Variants in TBC1D1 observed in about 807,000 individuals in gnomAD.
TBC1D1 encodes TBC1 (tre-2/USP6, BUB2, cdc16) domain family, member 1.
TBC1D1 carries 89 observed loss-of-function variants against 125.6 expected under a neutral mutation model. The observed-to-expected ratio is 0.71, with a 90% CI of 0.60 to 0.85. The LOEUF (loss-of-function observed/expected upper bound fraction) is 0.85. TBC1D1 is among the 40% of genes least tolerant of loss of function. The pLI, the probability that TBC1D1 is intolerant of heterozygous loss-of-function variation, is 0.00. For missense variants in TBC1D1, 1,377 were observed against 1,469.2 expected (o/e 0.94, Z 1.03); for synonymous variants, 565 against 564.1 (o/e 1.00, Z -0.02).
At chr4:37,910,146 T>G (rs1718281660) in intron 2 of TBC1D1, among the ~76,000 whole-genome samples, 1 of 152,266 alleles carries the variant, frequency 6.6e-6, no homozygotes, top group Non-Finnish European at 1.5e-5. Context: ...TTATATAGCT[T>G]TGCATTTTTT....
At chr4:38,106,063 C>G (rs533796102) in intron 15 of TBC1D1, among the ~76,000 whole-genome samples, 1 of 152,286 alleles carries the variant, frequency 6.6e-6, no homozygotes, top group East Asian at 1.9e-4. Flanking sequence ...TCTTTATTGC[C>G]TTTTTCCCTT....
At chr4:37,898,927 C>A (rs1715229583) in intron 1 of TBC1D1, among the ~76,000 whole-genome samples, 1 of 151,996 alleles carries the variant, frequency 6.6e-6, no homozygotes, top group Admixed American at 6.6e-5. Context: ...AAAGGTGCAC[C>A]AAGGAGGGCA....
At chr4:37,944,478 T>A (rs1413669368) in intron 2 of TBC1D1, among the ~76,000 whole-genome samples, 1 of 152,224 alleles carries the variant, frequency 6.6e-6, no homozygotes, top group African/African-American at 2.4e-5. Context: ...TGTGGTGGGC[T>A]CCACCCAGTT....
chr4:38,101,206 G>GGAC (rs1760264192), intron 14 of TBC1D1, among the ~76,000 whole-genome samples: 1 of 152,230 alleles, frequency 6.6e-6, no homozygotes, highest in Non-Finnish European at 1.5e-5. Flanking sequence ...ACAGAAACCA[G>GGAC]AGAAACCATC....
At chr4:38,012,741 G>A (rs1741776664) in intron 2 of TBC1D1, among the ~76,000 whole-genome samples, 1 of 152,114 alleles carries the variant, frequency 6.6e-6, no homozygotes, top group Non-Finnish European at 1.5e-5. Context: ...TATAAAAGTG[G>A]GCTATAACCA....
chr4:38,112,461 T>C (rs755078123), intron 15 of TBC1D1, among the ~76,000 whole-genome samples: 1 of 152,218 alleles, frequency 6.6e-6, no homozygotes, highest in Non-Finnish European at 1.5e-5. Flanking sequence ...ATCCGAAGAT[T>C]ATTGCCCATT....
At chr4:37,912,819 T>C (rs1282433157) in intron 2 of TBC1D1, among the ~76,000 whole-genome samples, 7 of 152,206 alleles carry the variant, frequency 4.6e-5, no homozygotes, top group Non-Finnish European at 7.3e-5. Flanking sequence ...ATATTGGGCT[T>C]CCCAGCCTCC....
intron 12 of TBC1D1, among the ~76,000 whole-genome samples, chr4:38,075,119 T>C (rs1025283712): frequency 6.6e-4 from 101 of 152,200 alleles, no homozygotes; most frequent in African/African-American, 2.2e-3. Context: ...TTAGTCCAAG[T>C]AAATTGTGGT....
At chr4:37,915,270 A>G (rs186362697) in intron 2 of TBC1D1, among the ~76,000 whole-genome samples, 9 of 152,310 alleles carry the variant, frequency 5.9e-5, no homozygotes, top group Admixed American at 2.0e-4. Flanking sequence ...AGGGAAACAG[A>G]ACCAATAGGA....
chr4:38,035,672 C>A lies in TBC1D1; in HGVS notation c.1387C>A (p.His463Asn). 6.2e-7 allele frequency: 1 copy of A among 1,613,240 alleles called. No homozygotes were observed. The highest frequency in any genetic ancestry group is 1.1e-5 in the South Asian group (1 of 91,016). Residue 463 changes from histidine (H) to asparagine (N), a missense_variant, in exon 8 of 20, where the codon CAC becomes AAC. Physicochemically the swap from His to Asn is moderately conservative, Grantham distance 68. Around this residue, in one of 3 missense-constraint regions of TBC1D1, gnomAD observed 822 missense variants for 824.6 expected, o/e 1.00. Coordinates refer to ENST00000261439, the MANE Select transcript of TBC1D1 (RefSeq NM_015173.4). ...TTTATATGAAGAGAAACAGAAAGAA[C>A]ACATCCATATTGGGGAGATGAAGCA... is the stretch of plus-strand genomic sequence containing the variant.
At chr4:38,098,586 T>C (rs1163235487) in intron 14 of TBC1D1, among the ~76,000 whole-genome samples, 1 of 152,214 alleles carries the variant, frequency 6.6e-6, no homozygotes, top group African/African-American at 2.4e-5. Context: ...TGCCTGACTT[T>C]GCCACATCAC....
At chr4:38,001,750 T>C (rs1377328075) in intron 2 of TBC1D1, among the ~76,000 whole-genome samples, 1 of 152,224 alleles carries the variant, frequency 6.6e-6, no homozygotes, top group African/African-American at 2.4e-5. Flanking sequence ...TCTTATTATA[T>C]CGCGATATCA....
intron 2 of TBC1D1, among the ~76,000 whole-genome samples, chr4:37,973,919 G>C (rs1732537243): frequency 6.6e-6 from 1 of 152,208 alleles, no homozygotes. Context: ...GTCTAGATTA[G>C]GGCAGGGCCT....
intron 2 of TBC1D1, among the ~76,000 whole-genome samples, chr4:37,934,466 C>T (rs1033435968): frequency 2.0e-5 from 3 of 152,032 alleles, no homozygotes; most frequent in African/African-American, 4.8e-5. Context: ...ACAGGCTGGG[C>T]GAGGGCAAGG....
chr4:38,010,768 C>T (rs112152936), intron 2 of TBC1D1, among the ~76,000 whole-genome samples: 3 of 152,220 alleles, frequency 2.0e-5, no homozygotes, highest in East Asian at 1.9e-4. Context: ...TCCTCTCAGC[C>T]TTCAGTGCTT....
intron 6 of TBC1D1, among the ~76,000 whole-genome samples, chr4:38,026,075 T>C (rs1745020793): frequency 1.0e-5 from 1 of 98,396 alleles, no homozygotes; most frequent in East Asian, 3.8e-4. Context: ...GGCATTGAGA[T>C]TACTTAAAAA....
chr4:37,996,258 G>A (rs144071844), intron 2 of TBC1D1: 13 of 271,574 alleles, frequency 4.8e-5, no homozygotes, highest in African/African-American at 2.6e-4. Flanking sequence ...CCGGGCTTTC[G>A]CATTCACAGC....
intron 12 of TBC1D1, 92 bp from the exon 15 acceptor site, chr4:38,089,840 T>C: frequency 7.8e-7 from 1 of 1,282,660 alleles, no homozygotes; most frequent in Non-Finnish European, 1.1e-6. Flanking sequence ...ATATTTTATC[T>C]GAATGAACAG....
intron 2 of TBC1D1, among the ~76,000 whole-genome samples, chr4:37,903,939 C>T (rs767040635): frequency 6.6e-6 from 1 of 152,182 alleles, no homozygotes; most frequent in Non-Finnish European, 1.5e-5. Flanking sequence ...ATCAAACTCT[C>T]ATATTATAAA....
Sources: gnomAD v4.1 joint callset for allele counts (sites outside exome capture counted in the v4.1 genomes callset) on GRCh38, gnomAD v4.1.1 for gene constraint, gnomAD v4.1.1 regional missense constraint, MANE v1.5 for transcripts, NCBI Gene and HGNC (gene_info 2026-07-23, HGNC 2026-07-21) for gene names.